Variants in SYT2 observed in about 807,000 individuals in gnomAD.
The protein encoded by SYT2 is synaptotagmin 2.
A neutral mutation model predicts 39.9 loss-of-function variants in SYT2; 15 were observed. The observed-to-expected ratio is 0.38, with a 90% confidence interval of 0.25 to 0.58. SYT2 has a LOEUF of 0.58. Ranked by LOEUF, SYT2 falls within the 20% of genes least tolerant of loss-of-function variation. SYT2 has a pLI of 0.70. For missense variants in SYT2, 389 were observed against 530.3 expected (o/e 0.73, Z 2.62); for synonymous variants, 181 against 204.5 (o/e 0.89, Z 0.98).
rs994601728 is a variant in SYT2 at position 202,614,048 on chromosome 1, T to C, written c.-17-8259A>G. ...TTCATTGAACCTTATCTGAGGCACC[T>C]GGAAGTGGCCCTGGCACCGTAGAGG... is the stretch of plus-strand genomic sequence containing the variant. On this transcript the variant is annotated intron_variant, in intron 1 of 8. Transcript: ENST00000367268. The surrounding 1 kb of genome is among the most constrained non-coding windows in gnomAD (Gnocchi z 4.0). 1.6e-4 allele frequency among the ~76,000 whole-genome samples: 24 copies of C among 152,226 alleles called. No individual in the cohort carries two copies. Among genetic ancestry groups the C allele is most frequent in the African/African-American group, 5.8e-4 (24 of 41,458 alleles).
intron 1 of SYT2, among the ~76,000 whole-genome samples, chr1:202,634,565 C>G (rs1024171865): frequency 6.6e-6 from 1 of 152,034 alleles, no homozygotes; most frequent in African/African-American, 2.4e-5. Flanking sequence ...CATATCCTTA[C>G]GAAAACCCTT....
At chr1:202,613,613 T>C (rs535153085) in intron 1 of SYT2, among the ~76,000 whole-genome samples, 4 of 152,356 alleles carry the variant, frequency 2.6e-5, no homozygotes, top group East Asian at 1.9e-4. Context: ...TCTTTCTTCA[T>C]TTAATATAAT....
chr1:202,624,051 G>A (rs1426138010), intron 1 of SYT2, among the ~76,000 whole-genome samples: 4 of 152,178 alleles, frequency 2.6e-5, no homozygotes, highest in East Asian at 3.8e-4. Flanking sequence ...TAGCTCTGCC[G>A]ATCACCGCCC....
intron 1 of SYT2, among the ~76,000 whole-genome samples, chr1:202,626,722 C>G (rs1278751534): frequency 6.6e-6 from 1 of 152,100 alleles, no homozygotes; most frequent in Non-Finnish European, 1.5e-5. Flanking sequence ...GAGAGTTCTA[C>G]CTCTGAAGGC....
At chr1:202,613,797 G>A (rs1690955317) in intron 1 of SYT2, among the ~76,000 whole-genome samples, 2 of 152,188 alleles carry the variant, frequency 1.3e-5, no homozygotes, top group African/African-American at 2.4e-5. Flanking sequence ...GCAGGCAGGA[G>A]GCAGCACAGG....
In SYT2 at chr1:202,601,844, T is replaced by C. The variant is rs1690514020; in HGVS notation, c.801+46A>G. The C allele has an allele frequency of 6.3e-7, 1 of 1,590,386 alleles. No homozygotes were observed. Among genetic ancestry groups the C allele is most frequent in the Non-Finnish European group, 8.6e-7 (1 of 1,166,128 alleles). On this transcript the variant is annotated intron_variant, in intron 6 of 8. Transcript: ENST00000367268. This position sits in a 1 kb window ranked among gnomAD's most constrained non-coding sequence, Gnocchi z 4.0. ...TCATGCCAAGAGGTGGAAGCCCACC[T>C]GTACATTCGTCTTTCTGCCCAACCT...
chr1:202,707,078 G>A (rs1654271306), intron 1 of SYT2, among the ~76,000 whole-genome samples: 1 of 152,164 alleles, frequency 6.6e-6, no homozygotes, highest in African/African-American at 2.4e-5. Flanking sequence ...ACGAGGGCAG[G>A]AAACAGGTCT....
chr1:202,625,798 A>T (rs544144119), intron 1 of SYT2, among the ~76,000 whole-genome samples: 1 of 151,978 alleles, frequency 6.6e-6, no homozygotes, highest in Admixed American at 6.5e-5. Context: ...TTAACTCAGT[A>T]ATGGAGCAGA....
In SYT2 at chr1:202,606,036, T is replaced by C. The variant is rs111891647; in HGVS notation, c.-17-247A>G. Among the ~76,000 whole-genome samples, 736 of 152,054 alleles carry C rather than the reference T, an allele frequency of 4.8e-3. 7 individuals are homozygous for C. The highest frequency in any genetic ancestry group is 0.017 in the African/African-American group (704 of 41,442). Reference sequence around the variant, plus strand: ...TTAGGCATAGTGGGGGCTGAAGTGATAGAGGATCACTTGAGTCCAGGAGTT... The same window carrying C: ...TTAGGCATAGTGGGGGCTGAAGTGACAGAGGATCACTTGAGTCCAGGAGTT... On this transcript the variant is annotated intron_variant, in intron 1 of 8. Coordinates refer to ENST00000367268, the MANE Select transcript of SYT2 (RefSeq NM_177402.5).
At chr1:202,696,938 CCCA>C (rs1653988286) in intron 1 of SYT2, among the ~76,000 whole-genome samples, 1 of 152,206 alleles carries the variant, frequency 6.6e-6, no homozygotes, top group Non-Finnish European at 1.5e-5. Context: ...TCACCTCTCC[CCCA>C]CCACCTCTGT....
intron 1 of SYT2, among the ~76,000 whole-genome samples, chr1:202,620,712 G>T (rs1691181516): frequency 6.6e-6 from 1 of 152,108 alleles, no homozygotes; most frequent in Non-Finnish European, 1.5e-5. Context: ...CACAGTTCTT[G>T]TACCTAAACT....
In SYT2 at chr1:202,594,425, A is replaced by T. The variant is rs572795327; in HGVS notation, c.*2332T>A. 6.6e-6 allele frequency: 1 copy of T among 152,326 alleles called. No homozygotes were observed. Among genetic ancestry groups the T allele is most frequent in the South Asian group, 2.1e-4 (1 of 4,832 alleles). The allele number at this position is 152,326 out of a possible 1,614,324, so 9.4% of individuals were successfully genotyped here. A position where few individuals can be genotyped will look rare whatever the true frequency, so the allele number is the denominator to read the frequency against. ...GGGCAAAGGAGTAAAGGTAGAGGGGATATTGACAAGGGGGTCTCCATGAGT... is the reference window on the plus strand; with the variant it reads ...GGGCAAAGGAGTAAAGGTAGAGGGGTTATTGACAAGGGGGTCTCCATGAGT... On this transcript the variant is annotated 3_prime_UTR_variant, in exon 9 of 9. Transcript: ENST00000367268.
chr1:202,669,270 A>G (rs1357749634), intron 1 of SYT2, among the ~76,000 whole-genome samples: 1 of 152,190 alleles, frequency 6.6e-6, no homozygotes, highest in African/African-American at 2.4e-5. Context: ...CTGTAATCCC[A>G]GCACTTTGGG....
chr1:202,619,360 G>A (rs1691141530), intron 1 of SYT2, among the ~76,000 whole-genome samples: 1 of 152,214 alleles, frequency 6.6e-6, no homozygotes, highest in Admixed American at 6.5e-5. Flanking sequence ...CAGCTGCCCG[G>A]AGAGGGAGGC....
chr1:202,629,457 C>G (rs558715620), intron 1 of SYT2, among the ~76,000 whole-genome samples: 4 of 152,202 alleles, frequency 2.6e-5, no homozygotes, highest in African/African-American at 4.8e-5. Flanking sequence ...TTGTGGGTAT[C>G]AAGTTCTCAT....
chr1:202,625,163 G>A (rs1206091770), intron 1 of SYT2, among the ~76,000 whole-genome samples: 1 of 40,022 alleles, frequency 2.5e-5, no homozygotes, highest in African/African-American at 1.1e-4. Context: ...TGGTGTGTCT[G>A]TGTGGTGTGT....
intron 1 of SYT2, among the ~76,000 whole-genome samples, chr1:202,662,865 T>G (rs1028012646): frequency 6.6e-6 from 1 of 152,142 alleles, no homozygotes; most frequent in Admixed American, 6.5e-5. Flanking sequence ...GTGTACAGAA[T>G]AGATTTGCAA....
chr1:202,698,033 G>A (rs1375687702), intron 1 of SYT2, among the ~76,000 whole-genome samples: 1 of 152,056 alleles, frequency 6.6e-6, no homozygotes, highest in Non-Finnish European at 1.5e-5. Flanking sequence ...AGCAGGGGAT[G>A]CGGGGAGGGT....
intron 1 of SYT2, among the ~76,000 whole-genome samples, chr1:202,631,236 C>T (rs150479669): frequency 7.1e-4 from 108 of 152,234 alleles, no homozygotes; most frequent in African/African-American, 1.5e-3. Flanking sequence ...TCTCTGGAAC[C>T]GCAGGGAGTT....
Sources: gnomAD v4.1 joint callset for allele counts (sites outside exome capture counted in the v4.1 genomes callset) on GRCh38, gnomAD v4.1.1 for gene constraint, Gnocchi (gnomAD v3.1) non-coding constraint, MANE v1.5 for transcripts, NCBI Gene and HGNC (gene_info 2026-07-23, HGNC 2026-07-21) for gene names.